MIA2: variants seen among roughly 807,000 people sequenced by gnomAD.
MIA2 encodes MIA SH3 domain ER export factor 2, also known as melanoma inhibitory activity protein 2.
In MIA2, 127 loss-of-function variants were observed where a neutral mutation model predicts 167.8. The ratio of observed to expected loss-of-function variants is 0.76; its 90% CI spans 0.66 to 0.88. The LOEUF (loss-of-function observed/expected upper bound fraction) is 0.88, where lower values mean the gene tolerates loss of function less well. Among genes scored for constraint, MIA2 ranks in the 40% least tolerant of loss-of-function variants. The pLI, the probability that MIA2 is intolerant of heterozygous loss-of-function variation, is 0.00. For missense variants in MIA2, 1,690 were observed against 1,624.7 expected (o/e 1.04, Z -0.69); for synonymous variants, 552 against 541.9 (o/e 1.02, Z -0.26).
At chr14:39,285,438 C>A (rs1332789061) in intron 9 of MIA2, among the ~76,000 whole-genome samples, 1 of 142,606 alleles carries the variant, frequency 7.0e-6, no homozygotes, top group Non-Finnish European at 1.6e-5. Context: ...ACCCCCCCAC[C>A]TTCCTCCCGG....
At chr14:39,322,215 G>T (rs1377370916) in intron 24 of MIA2, among the ~76,000 whole-genome samples, 2 of 152,156 alleles carry the variant, frequency 1.3e-5, no homozygotes, top group Non-Finnish European at 2.9e-5. Flanking sequence ...GCAGATTTTT[G>T]ATGGGAACCT....
At chr14:39,300,727 T>TA (rs1333542826) in intron 14 of MIA2, among the ~76,000 whole-genome samples, 1 of 149,400 alleles carries the variant, frequency 6.7e-6, no homozygotes, top group East Asian at 2.0e-4. Context: ...AATGACGAGT[T>TA]AATGGGTACA....
At chr14:39,330,191 T>G (rs1019781235) in intron 25 of MIA2, among the ~76,000 whole-genome samples, 3 of 152,208 alleles carry the variant, frequency 2.0e-5, no homozygotes, top group African/African-American at 7.2e-5. Context: ...CCTGGTTTAG[T>G]CTTGTGAGGG....
intron 17 of MIA2, among the ~76,000 whole-genome samples, chr14:39,307,116 T>TA (rs1181696520): frequency 5.9e-5 from 9 of 152,108 alleles, no homozygotes; most frequent in Non-Finnish European, 1.0e-4. Context: ...TGGCTTGACT[T>TA]ATATGTCAAA....
In MIA2 at chr14:39,274,439, T is replaced by C. The variant is rs528850104; in HGVS notation, c.1888-2495T>C. 4.6e-5 allele frequency among the ~76,000 whole-genome samples: 7 copies of C among 150,662 alleles called. No homozygotes were observed. In the South Asian group the frequency reaches 8.4e-4, roughly 18 times the overall value. ...TCTTTTTTTCTTTTTTTCTTTTTTT[T>C]TTTTTTTGAGATGGAGTCTCACTCT... On this transcript the variant is annotated intron_variant, in intron 6 of 28. Transcript: ENST00000640607.
chr14:39,359,385 G>C (rs963492094), intron 23 of MIA2, among the ~76,000 whole-genome samples: 1 of 152,204 alleles, frequency 6.6e-6, no homozygotes, highest in Non-Finnish European at 1.5e-5. Flanking sequence ...TGTGCCGTTT[G>C]ATAAGACCGT....
In MIA2 at chr14:39,242,528, G is replaced by T. The variant is rs1188197467; in HGVS notation, c.336+1881G>T. On this transcript the variant is annotated intron_variant, in intron 3 of 28. Coordinates refer to ENST00000640607, the MANE Select transcript of MIA2 (RefSeq NM_001329214.4). Reference sequence around the variant, plus strand: ...AGTAGAGATGGGGTTTCACCATGTTGGTCAGGCTGGTCTTGAACTCCTGAC... The same window carrying T: ...AGTAGAGATGGGGTTTCACCATGTTTGTCAGGCTGGTCTTGAACTCCTGAC... Among the ~76,000 whole-genome samples, 4 of 151,948 alleles carry T rather than the reference G, an allele frequency of 2.6e-5. No homozygotes were observed. The East Asian group carries it at 7.8e-4, about 30-fold the overall frequency.
chr14:39,238,463 A>G (rs777981095), intron 2 of MIA2, among the ~76,000 whole-genome samples: 1 of 152,138 alleles, frequency 6.6e-6, no homozygotes, highest in Non-Finnish European at 1.5e-5. Flanking sequence ...GTGAGCCACT[A>G]TGCCCGGCCC....
intron 9 of MIA2, among the ~76,000 whole-genome samples, chr14:39,286,051 G>A (rs1394598063): frequency 3.3e-5 from 5 of 152,216 alleles, no homozygotes; most frequent in African/African-American, 1.2e-4. Flanking sequence ...GTGGCGGCTG[G>A]GCAGAGGCTG....
At chr14:39,261,148 C>A (rs1334422810) in intron 6 of MIA2, among the ~76,000 whole-genome samples, 1 of 152,092 alleles carries the variant, frequency 6.6e-6, no homozygotes, top group Non-Finnish European at 1.5e-5. Context: ...CCTCCCCTCA[C>A]CCCACGACAG....
intron 25 of MIA2, among the ~76,000 whole-genome samples, chr14:39,341,039 C>T (rs866523334): frequency 2.0e-5 from 3 of 152,150 alleles, no homozygotes; most frequent in African/African-American, 4.8e-5. Context: ...TGGTGGCTTA[C>T]GCTTGTAATT....
chr14:39,304,178 C>T (rs1221583305), intron 16 of MIA2, 113 bp from the exon 17 acceptor site: 14 of 449,520 alleles, frequency 3.1e-5, no homozygotes, highest in South Asian at 9.0e-5. Flanking sequence ...TTCATCAAAA[C>T]GATAAAATCA....
chr14:39,254,269 C>T (rs2054715771), intron 6 of MIA2, among the ~76,000 whole-genome samples: 1 of 152,104 alleles, frequency 6.6e-6, no homozygotes, highest in African/African-American at 2.4e-5. Flanking sequence ...GAATATGGCA[C>T]TTTTGGAGCA....
rs1391712241 is a variant in MIA2, at chr14:39,247,017, A to C, written c.443A>C (p.Lys148Thr). The stretch of plus-strand genomic sequence containing the variant: ...AATATATATCCTTATGAAGAAGATA[A>C]AGATGAAAAATCTAGTATATATGAA... ...GENIYPYEED[K>T]DEKSSIYESD... Residue 148 changes from lysine (K) to threonine (T), a missense_variant, in exon 4 of 29, where the codon AAA becomes ACA. By Grantham distance (78) the Lys-to-Thr change is moderately conservative. Transcript: ENST00000640607. 6.3e-7 allele frequency: 1 copy of C among 1,591,596 alleles called. No homozygotes were observed. The highest frequency in any genetic ancestry group is 1.2e-5 in the South Asian group (1 of 86,030).
In MIA2 at chr14:39,293,214, G is replaced by T. The variant is rs1214248710; in HGVS notation, c.2209-57G>T. ...TACATATTTTTTATTATGCTCGTCT[G>T]ATTTCCCTAATGAAAAATTCTTATA... On this transcript the variant is annotated intron_variant, in intron 10 of 28. Transcript: ENST00000640607. The T allele has an allele frequency of 4.3e-6, 5 of 1,160,922 alleles. No individual in the cohort carries two copies. The Admixed American group carries it at 1.0e-4, about 24-fold the overall frequency. The allele number at this position is 1,160,922 out of a possible 1,614,324, so 71.9% of individuals were successfully genotyped here. A position where few individuals can be genotyped will look rare whatever the true frequency, so the allele number is the denominator to read the frequency against.
At chr14:39,242,595 T>C (rs2054101269) in intron 3 of MIA2, among the ~76,000 whole-genome samples, 2 of 152,124 alleles carry the variant, frequency 1.3e-5, no homozygotes, top group South Asian at 4.2e-4. Context: ...AGTGCTGGAA[T>C]TACAGGTGTG....
rs968887655 is a variant in MIA2, at chr14:39,265,872, T to C, written c.1888-11062T>C. The stretch of plus-strand genomic sequence containing the variant: ...ACACAGTGTCTAACACGTATGAAAG[T>C]TGTGTAATACCTTATACCTTAACAA... On this transcript the variant is annotated intron_variant, in intron 6 of 28. Transcript: ENST00000640607. 1.7e-5 allele frequency: 9 copies of C among 521,312 alleles called. No individual in the cohort carries two copies. The South Asian group carries it at 2.4e-4, about 14-fold the overall frequency. The allele number at this position is 521,312 out of a possible 1,614,324, so 32.3% of individuals were successfully genotyped here. A position where few individuals can be genotyped will look rare whatever the true frequency, so the allele number is the denominator to read the frequency against.
intron 24 of MIA2, among the ~76,000 whole-genome samples, chr14:39,322,674 G>C (rs1250394146): frequency 6.6e-6 from 1 of 151,934 alleles, no homozygotes; most frequent in East Asian, 1.9e-4. Context: ...TGTTACAAAA[G>C]GCCCTAGTAC....
intron 25 of MIA2, among the ~76,000 whole-genome samples, chr14:39,340,449 C>T (rs557549705): frequency 1.2e-4 from 19 of 152,296 alleles, no homozygotes; most frequent in African/African-American, 4.1e-4. Context: ...CAAAAGTGTG[C>T]TAAGCAGATC....
Sources: gnomAD v4.1 joint callset for allele counts (sites outside exome capture counted in the v4.1 genomes callset) on GRCh38, gnomAD v4.1.1 for gene constraint, MANE v1.5 for transcripts, NCBI Gene and HGNC (gene_info 2026-07-23, HGNC 2026-07-21) for gene names.